Variants in PCSK5 observed in about 807,000 individuals in gnomAD.
PCSK5 encodes the protein proprotein convertase subtilisin/kexin type 5.
Under a neutral mutation model 233.2 loss-of-function variants are expected in PCSK5, and 129 were observed. That is an observed-to-expected ratio of 0.55 (90% confidence interval 0.48 to 0.64). The LOEUF is 0.64. Ranked by LOEUF, PCSK5 falls within the 30% of genes least tolerant of loss-of-function variation. PCSK5 has a pLI of 0.00. For missense variants in PCSK5, 2,076 were observed against 2,430.1 expected (o/e 0.85, Z 3.06); for synonymous variants, 825 against 879.2 (o/e 0.94, Z 1.09).
intron 8 of PCSK5, among the ~76,000 whole-genome samples, chr9:76,096,643 C>G (rs1831528245): frequency 6.6e-6 from 1 of 151,348 alleles, no homozygotes; most frequent in African/African-American, 2.4e-5. Flanking sequence ...TAACTGTTGC[C>G]CAGGCTGGAG....
At chr9:76,126,687 G>A (rs7021578) in intron 9 of PCSK5, among the ~76,000 whole-genome samples, 71,202 of 151,646 alleles carry the variant, frequency 0.47, 17,073 homozygotes, top group Admixed American at 0.52. Flanking sequence ...TGTCAGACAC[G>A]GAGACAAAAT....
intron 7 of PCSK5, among the ~76,000 whole-genome samples, chr9:76,085,479 G>T (rs1831027842): frequency 6.6e-6 from 1 of 152,232 alleles, no homozygotes; most frequent in African/African-American, 2.4e-5. Flanking sequence ...TTGCACATAT[G>T]AAGTATGCAG....
At chr9:75,936,523 C>T (rs375544305) in intron 2 of PCSK5, among the ~76,000 whole-genome samples, 7 of 152,308 alleles carry the variant, frequency 4.6e-5, no homozygotes, top group African/African-American at 1.2e-4. Flanking sequence ...CAGTAGATCC[C>T]GCTTTCTTTG....
chr9:76,249,073 A>G (rs1317066438), intron 24 of PCSK5, among the ~76,000 whole-genome samples: 1 of 152,208 alleles, frequency 6.6e-6, no homozygotes, highest in Non-Finnish European at 1.5e-5. Flanking sequence ...CTCACCTCGT[A>G]TTCTTGACAA....
chr9:76,119,834 G>A (rs1384605126), intron 9 of PCSK5, among the ~76,000 whole-genome samples: 1 of 151,868 alleles, frequency 6.6e-6, no homozygotes, highest in African/African-American at 2.4e-5. Flanking sequence ...GTACAATTAA[G>A]TTATTATTGA....
chr9:76,348,589 T>C (rs1830037844), intron 35 of PCSK5, among the ~76,000 whole-genome samples: 1 of 151,920 alleles, frequency 6.6e-6, no homozygotes, highest in South Asian at 2.1e-4. Context: ...CAGAGCAAGA[T>C]TCCACCTCAA....
intron 10 of PCSK5, among the ~76,000 whole-genome samples, chr9:76,148,862 A>G (rs1823557813): frequency 2.0e-5 from 3 of 152,232 alleles, no homozygotes; most frequent in African/African-American, 7.2e-5. Flanking sequence ...TATCAATTCA[A>G]TTATGTCATT....
chr9:75,910,697 T>C (rs970218358), intron 1 of PCSK5, among the ~76,000 whole-genome samples: 1 of 152,170 alleles, frequency 6.6e-6, no homozygotes, highest in African/African-American at 2.4e-5. Context: ...AATTGTTTAA[T>C]AGAGAACTCT....
At chr9:75,937,505 C>T (rs1216761103) in intron 2 of PCSK5, among the ~76,000 whole-genome samples, 1 of 152,062 alleles carries the variant, frequency 6.6e-6, no homozygotes, top group Non-Finnish European at 1.5e-5. Context: ...TCTTAAGGGC[C>T]CTAGGATTTT....
At chr9:76,175,306 A>C (rs62556622) in intron 14 of PCSK5, 177 bp downstream of exon 14, 17,371 of 577,078 alleles carry the variant, frequency 0.03, 493 homozygotes, top group African/African-American at 0.13. Context: ...AGAATAGAAT[A>C]GAATAGAACA....
chr9:76,125,349 ACT>A lies in PCSK5; in HGVS notation c.1209-8757_1209-8756del, dbSNP rs376951072. 4.0e-3 allele frequency among the ~76,000 whole-genome samples: 605 copies of A among 151,976 alleles called. 1 individual carries two copies. Among genetic ancestry groups the A allele is most frequent in the Middle Eastern group, 0.034 (10 of 294 alleles). ...AGTCCCTACAAACACCATTAACCTG[ACT>A]CTTTCCATCACGCACCCCTCCAGTC... is the stretch of plus-strand genomic sequence containing the variant. On this transcript the variant is annotated intron_variant, in intron 9 of 37. Coordinates refer to ENST00000674117, the MANE Select transcript of PCSK5 (RefSeq NM_001372043.1).
intron 18 of PCSK5, among the ~76,000 whole-genome samples, 185 bp downstream of exon 18, chr9:76,188,860 T>C (rs187129469): frequency 2.6e-5 from 4 of 152,346 alleles, no homozygotes; most frequent in Admixed American, 1.3e-4. Flanking sequence ...CCTATCCTCA[T>C]TGAGAAACTT....
At chr9:76,240,551 GT>G in intron 23 of PCSK5, 64 bp from the exon 24 acceptor site, 4 of 1,089,520 alleles carry the variant, frequency 3.7e-6, no homozygotes, top group Non-Finnish European at 5.5e-6. Context: ...ACATATTTTT[GT>G]AGCAATTAAC....
rs77835773 is a variant in PCSK5 at position 76,302,241 on chromosome 9, C to A, written c.3604+24C>A. The A allele has an allele frequency of 9.2e-3, 10,290 of 1,120,256 alleles. 63 individuals are homozygous for A. Among genetic ancestry groups the A allele is most frequent in the Non-Finnish European group, 0.011 (9,382 of 819,854 alleles). 69.4% of individuals were successfully genotyped at this position (1,120,256 alleles called of 1,614,324 possible). ...AGGTAACAGGGAAATAGGGAGGCAA[C>A]AATCACAGCAGCAGAGACTATCTCT... On this transcript the variant is annotated intron_variant, in intron 28 of 37. Transcript: ENST00000674117.
intron 1 of PCSK5, among the ~76,000 whole-genome samples, chr9:75,893,139 C>A (rs1421008079): frequency 1.3e-5 from 2 of 152,206 alleles, no homozygotes; most frequent in African/African-American, 4.8e-5. Flanking sequence ...AGAGATTCAT[C>A]TCGGGTTCTG....
chr9:76,222,446 T>A (rs1587775130), intron 20 of PCSK5, among the ~76,000 whole-genome samples: 1 of 152,264 alleles, frequency 6.6e-6, no homozygotes, highest in Admixed American at 6.5e-5. Flanking sequence ...CCACCATCCA[T>A]CTCCAGACCT....
intron 21 of PCSK5, among the ~76,000 whole-genome samples, chr9:76,228,545 A>G (rs745722931): frequency 1.3e-5 from 2 of 152,236 alleles, no homozygotes; most frequent in Non-Finnish European, 2.9e-5. Flanking sequence ...TGAGTTAATG[A>G]GGGAATAGCA....
In PCSK5 at chr9:76,189,697, G is replaced by A. The variant is rs755907935; in HGVS notation, c.2577G>A (p.Gly859=). 2.5e-6 allele frequency: 4 copies of A among 1,612,854 alleles called. No individual in the cohort carries two copies. Among genetic ancestry groups the A allele is most frequent in the South Asian group, 1.1e-5 (1 of 91,048 alleles). Reference sequence around the variant, plus strand: ...AGAACTGTACAAGCTGCCCTAGTGGGTATCTCTTAGACTTAGGAATGTGTC... The same window carrying A: ...AGAACTGTACAAGCTGCCCTAGTGGATATCTCTTAGACTTAGGAATGTGTC... ...GFKNCTSCPS[G]YLLDLGMCQM... is the part of the protein sequence containing the mutation. The change falls in exon 20 of 38, where the codon GGG becomes GGA. Residue 859 remains glycine, a synonymous_variant. Coordinates refer to ENST00000674117, the MANE Select transcript of PCSK5 (RefSeq NM_001372043.1).
At chr9:76,172,844 C>T (rs980567386) in intron 13 of PCSK5, among the ~76,000 whole-genome samples, 13 of 152,160 alleles carry the variant, frequency 8.5e-5, no homozygotes, top group African/African-American at 2.9e-4. Context: ...TTGTGAAAAG[C>T]CTGGTCATTA....
Sources: allele counts gnomAD v4.1 joint callset (sites outside exome capture counted in the v4.1 genomes callset), GRCh38; gene constraint gnomAD v4.1.1; transcripts MANE v1.5; gene names NCBI Gene and HGNC (gene_info 2026-07-23, HGNC 2026-07-21).